DLGAP2: variants seen among roughly 807,000 people sequenced by gnomAD.
DLGAP2 encodes the protein disks large-associated protein 2.
A neutral mutation model predicts 100.3 loss-of-function variants in DLGAP2; 26 were observed. That is an observed-to-expected ratio of 0.26 (90% CI 0.19 to 0.36). The LOEUF is 0.36. DLGAP2 is among the 10% of genes least tolerant of loss of function. The pLI is 1.00. For synonymous variants in DLGAP2, 886 were observed against 630.1 expected, an observed-to-expected ratio of 1.41 and a Z score of -6.08; for missense variants, 1,858 against 1,453.2, an observed-to-expected ratio of 1.28 and a Z score of -4.53.
chr8:1,692,609 G>A (rs1405328315), intron 13 of DLGAP2, among the ~76,000 whole-genome samples: 1 of 152,134 alleles, frequency 6.6e-6, no homozygotes. Flanking sequence ...AGAAACAAGG[G>A]AAATTTCTAT....
rs1021979963 is a variant in DLGAP2 at position 1,332,015 on chromosome 8, C to T, written c.106+73132C>T. On this transcript the variant is annotated intron_variant, in intron 3 of 14. Coordinates refer to ENST00000637795, the MANE Select transcript of DLGAP2 (RefSeq NM_001346810.2). ...GGCCAGGGCTGGCAGCACACGGCAG[C>T]GCCTTCTTTCTTTTGCTGGTGAACC... Among the ~76,000 whole-genome samples, 9 of 152,304 alleles carry T rather than the reference C, an allele frequency of 5.9e-5. No homozygotes were observed. In the East Asian group the frequency reaches 7.7e-4, roughly 13 times the overall value.
chr8:1,601,606 CAG>C (rs1236914575), intron 6 of DLGAP2, among the ~76,000 whole-genome samples: 1 of 146,406 alleles, frequency 6.8e-6, no homozygotes, highest in East Asian at 2.1e-4. Context: ...ACAGACAGAT[CAG>C]ACCGAGTCCC....
chr8:1,433,162 C>T (rs778586435), intron 3 of DLGAP2, among the ~76,000 whole-genome samples: 1 of 152,210 alleles, frequency 6.6e-6, no homozygotes, highest in Non-Finnish European at 1.5e-5. Context: ...GCCCAAAGCC[C>T]CTCCAGGAAC....
At chr8:869,030 A>C (rs1265981049) in intron 1 of DLGAP2, among the ~76,000 whole-genome samples, 1 of 152,240 alleles carries the variant, frequency 6.6e-6, no homozygotes, top group African/African-American at 2.4e-5. Flanking sequence ...GGGTTTCTCC[A>C]CAGGCGTCCT....
intron 2 of DLGAP2, among the ~76,000 whole-genome samples, chr8:1,242,088 A>G (rs1798809010): frequency 6.6e-6 from 1 of 152,178 alleles, no homozygotes; most frequent in Non-Finnish European, 1.5e-5. Context: ...ATTTGTTTGT[A>G]GATAAACCTA....
At chr8:1,543,381 G>A (rs542879960) in intron 4 of DLGAP2, among the ~76,000 whole-genome samples, 44 of 152,280 alleles carry the variant, frequency 2.9e-4, no homozygotes, top group African/African-American at 1.0e-3. Context: ...TTGTAAGATG[G>A]GGGTTAAATT....
chr8:1,296,601 C>T (rs1051489242), intron 3 of DLGAP2, among the ~76,000 whole-genome samples: 1 of 152,162 alleles, frequency 6.6e-6, no homozygotes, highest in Non-Finnish European at 1.5e-5. Context: ...TCTGGGGTAG[C>T]ATAAAAGCTG....
intron 3 of DLGAP2, among the ~76,000 whole-genome samples, chr8:1,275,419 A>G (rs1025138032): frequency 2.6e-5 from 4 of 151,174 alleles, no homozygotes; most frequent in African/African-American, 9.7e-5. Flanking sequence ...GCTCACATAC[A>G]TCACATTTAC....
intron 14 of DLGAP2, 117 bp downstream of exon 14, chr8:1,697,416 G>T (rs1799429031): frequency 7.0e-7 from 1 of 1,419,172 alleles, no homozygotes. Context: ...CAACACACGA[G>T]CAAATTTCCC....
chr8:862,144 G>A (rs998203132), intron 1 of DLGAP2, among the ~76,000 whole-genome samples: 10 of 152,162 alleles, frequency 6.6e-5, no homozygotes, highest in Admixed American at 2.6e-4. Context: ...AGTGAGCACC[G>A]TGTCATGGCC....
chr8:1,408,812 G>A (rs919552505), intron 3 of DLGAP2, among the ~76,000 whole-genome samples: 6 of 151,972 alleles, frequency 3.9e-5, no homozygotes, highest in South Asian at 2.1e-4. Context: ...CTTTCACTGC[G>A]TTAACAGGAA....
intron 10 of DLGAP2, among the ~76,000 whole-genome samples, chr8:1,676,007 A>G (rs928836842): frequency 3.9e-5 from 6 of 152,196 alleles, no homozygotes; most frequent in Non-Finnish European, 8.8e-5. Flanking sequence ...CCTGCTGGCC[A>G]TCCTCTTAGC....
intron 6 of DLGAP2, among the ~76,000 whole-genome samples, chr8:1,586,073 G>C (rs1256123235): frequency 6.6e-6 from 1 of 152,192 alleles, no homozygotes; most frequent in African/African-American, 2.4e-5. Flanking sequence ...CACAAACTTA[G>C]TGTCTTAAAA....
At chr8:1,206,079 A>G (rs908349524) in intron 2 of DLGAP2, among the ~76,000 whole-genome samples, 3 of 152,224 alleles carry the variant, frequency 2.0e-5, no homozygotes, top group African/African-American at 7.2e-5. Context: ...ATCTCTGAGC[A>G]TTTAGAAATC....
At chr8:877,711 C>T (rs1797710749) in intron 1 of DLGAP2, among the ~76,000 whole-genome samples, 1 of 152,178 alleles carries the variant, frequency 6.6e-6, no homozygotes, top group African/African-American at 2.4e-5. Context: ...GAATCTCTTC[C>T]CAGTTGCATT....
chr8:811,500 G>C (rs550326229), intron 1 of DLGAP2, among the ~76,000 whole-genome samples: 1 of 143,716 alleles, frequency 7.0e-6, no homozygotes, highest in East Asian at 2.1e-4. Flanking sequence ...GGCTCCTGCC[G>C]TGGTGAGAGG....
intron 1 of DLGAP2, among the ~76,000 whole-genome samples, chr8:837,810 G>A (rs1278723266): frequency 2.7e-5 from 4 of 150,534 alleles, no homozygotes; most frequent in African/African-American, 4.9e-5. Flanking sequence ...TCTGCCTCCC[G>A]GGTTCAAGCA....
chr8:1,316,020 T>A (rs1401685578), intron 3 of DLGAP2, among the ~76,000 whole-genome samples: 5 of 137,784 alleles, frequency 3.6e-5, no homozygotes, highest in Non-Finnish European at 6.4e-5. Context: ...CCAACAGTGG[T>A]CTACACTCGA....
intron 4 of DLGAP2, among the ~76,000 whole-genome samples, chr8:1,543,175 A>G (rs1801420010): frequency 1.3e-5 from 2 of 152,358 alleles, no homozygotes; most frequent in African/African-American, 4.8e-5. Flanking sequence ...TTTTGATGGC[A>G]TCTTTTAAAG....
Sources: gnomAD v4.1 joint callset for allele counts (sites outside exome capture counted in the v4.1 genomes callset) on GRCh38, gnomAD v4.1.1 for gene constraint, MANE v1.5 for transcripts, NCBI Gene and HGNC (gene_info 2026-07-23, HGNC 2026-07-21) for gene names.